The following CCDC13 variants were observed in gnomAD, a reference collection of about 807,000 sequenced individuals.
The protein encoded by CCDC13 is coiled-coil domain containing 13, also known as coiled-coil domain-containing protein 13.
In CCDC13, 70 loss-of-function variants were observed where a neutral mutation model predicts 87.3. The observed-to-expected ratio is 0.80, with a 90% CI of 0.66 to 0.98. The LOEUF (loss-of-function observed/expected upper bound fraction) is 0.98. Ranked by LOEUF, CCDC13 falls within the 50% of genes least tolerant of loss-of-function variation. The probability of loss-of-function intolerance (pLI) is 0.00; values close to 1 mark genes in which losing one functional copy is unlikely to be tolerated. For synonymous variants in CCDC13, 317 were observed against 360.3 expected, an observed-to-expected ratio of 0.88 and a Z score of 1.36; for missense variants, 842 against 892.0, an observed-to-expected ratio of 0.94 and a Z score of 0.71.
At chr3:42,750,982 C>T (rs1055040167) in intron 5 of CCDC13, among the ~76,000 whole-genome samples, 1 of 152,178 alleles carries the variant, frequency 6.6e-6, no homozygotes, top group Admixed American at 6.5e-5. Context: ...TCTACTTCCC[C>T]AGCAATGAGA....
Position 42,739,650 on chromosome 3 carries a change from A to G in CCDC13, c.1148T>C (p.Leu383Pro), listed in dbSNP as rs1699147838. 4 of 1,614,006 alleles carry G rather than the reference A, an allele frequency of 2.5e-6. No individual in the cohort carries two copies. Among genetic ancestry groups the G allele is most frequent in the Non-Finnish European group, 2.5e-6 (3 of 1,179,942 alleles). ...LVEKGRHDDE[L>P]IDALMDQLKQ... ...GGGCCATACCATGAGGGCGTCGATG[A>G]GCTCGTCATCATGCCGGCCCTTCTC... is the stretch of plus-strand genomic sequence containing the variant. Residue 383 changes from leucine to proline, a missense_variant, in exon 9 of 16, where the codon CTC (leucine) becomes CCC (proline). Coordinates refer to ENST00000310232, the MANE Select transcript of CCDC13 (RefSeq NM_144719.4).
In CCDC13 at chr3:42,739,623, T is replaced by G. The variant is rs1699145654; in HGVS notation, c.1164+11A>C. 9 of 1,611,702 alleles carry G rather than the reference T, an allele frequency of 5.6e-6. No individual in the cohort carries two copies. The East Asian group carries it at 2.0e-4, about 36-fold the overall frequency. On this transcript the variant is annotated intron_variant, in intron 9 of 15. Coordinates refer to ENST00000310232, the MANE Select transcript of CCDC13 (RefSeq NM_144719.4). ...CCTGGCTCTCGCCCTGCCTGAGTGG[T>G]GGGGCCATACCATGAGGGCGTCGAT...
chr3:42,745,573 G>C (rs1387708274), intron 7 of CCDC13: 1 of 171,098 alleles, frequency 5.8e-6, no homozygotes, highest in African/African-American at 2.4e-5. Context: ...CAAGCATCTG[G>C]ACAAAACTGG....
chr3:42,739,781 C>A lies in CCDC13; in HGVS notation c.1017G>T (p.Gln339His). ...TCTTTTTTAGCTCTTCAAGCTCTCTCTGGAGGACATCCCGTTCACTGGCAA... is the reference window on the plus strand; with the variant it reads ...TCTTTTTTAGCTCTTCAAGCTCTCTATGGAGGACATCCCGTTCACTGGCAA... Reference protein sequence around the residue: ...EKLASERDVLQRELEELKKKF... With the variant: ...EKLASERDVLHRELEELKKKF... Residue 339 changes from glutamine to histidine, a missense_variant, in exon 9 of 16, where the codon CAG becomes CAT. By Grantham distance (24) the Gln-to-His change is conservative. Coordinates refer to ENST00000310232, the MANE Select transcript of CCDC13 (RefSeq NM_144719.4). 1.2e-6 allele frequency: 2 copies of A among 1,614,184 alleles called. No homozygotes were observed. The highest frequency in any genetic ancestry group is 8.5e-7 in the Non-Finnish European group (1 of 1,180,018).
Position 42,713,251 on chromosome 3 carries a change from G to T in CCDC13, c.1784C>A (p.Thr595Asn). 6.2e-7 allele frequency: 1 copy of T among 1,614,146 alleles called. No individual in the cohort carries two copies. The highest frequency in any genetic ancestry group is 8.5e-7 in the Non-Finnish European group (1 of 1,180,012). Reference sequence around the variant, plus strand: ...CTCCAGATGTTGCTCCAGCACCACGGTGCGGTGTCGCTCCTCCTGCAGCTT... The same window carrying T: ...CTCCAGATGTTGCTCCAGCACCACGTTGCGGTGTCGCTCCTCCTGCAGCTT... ...ERKLQEERHR[T>N]VVLEQHLEKI... is the part of the protein sequence containing the mutation. Residue 595 changes from threonine (T) to asparagine (N), a missense_variant, in exon 14 of 16, where the codon ACC becomes AAC. Transcript: ENST00000310232.
At chr3:42,759,412 C>T (rs532070366) in intron 1 of CCDC13, among the ~76,000 whole-genome samples, 23 of 152,306 alleles carry the variant, frequency 1.5e-4, no homozygotes, top group African/African-American at 5.1e-4. Context: ...TTCATCACCC[C>T]AAAATCCTCC....
At chr3:42,758,089 AC>A in intron 2 of CCDC13, 35 bp downstream of exon 2, 3 of 1,545,022 alleles carry the variant, frequency 1.9e-6, no homozygotes, top group Non-Finnish European at 2.7e-6. Context: ...ACACACACAC[AC>A]ACACACCCCT....
At chr3:42,709,536 T>A in intron 15 of CCDC13, 148 bp downstream of exon 15, 1 of 663,800 alleles carries the variant, frequency 1.5e-6, no homozygotes, top group South Asian at 1.8e-5. Flanking sequence ...AGTCCCTGAA[T>A]TGCAGGCCTA....
At chr3:42,711,896 G>A (rs1033173058) in intron 14 of CCDC13, among the ~76,000 whole-genome samples, 1 of 152,142 alleles carries the variant, frequency 6.6e-6, no homozygotes, top group Admixed American at 6.5e-5. Context: ...TGCCTGCTGT[G>A]GCTTAGCTCT....
chr3:42,744,764 C>T, intron 7 of CCDC13, among the ~76,000 whole-genome samples: 1 of 141,264 alleles, frequency 7.1e-6, no homozygotes. Context: ...GAGATCGCAC[C>T]ACTGCACTCC....
intron 14 of CCDC13, among the ~76,000 whole-genome samples, chr3:42,710,908 G>C (rs115828287): frequency 0.011 from 1,696 of 152,102 alleles, 38 homozygotes; most frequent in African/African-American, 0.039. Flanking sequence ...GAAACTGCTT[G>C]TTCAGCCTGA....
chr3:42,747,684 G>A (rs1699452653), intron 5 of CCDC13, among the ~76,000 whole-genome samples: 1 of 152,172 alleles, frequency 6.6e-6, no homozygotes, highest in Admixed American at 6.5e-5. Flanking sequence ...CACACATGTG[G>A]GTGTATGCCT....
intron 10 of CCDC13, among the ~76,000 whole-genome samples, chr3:42,733,948 C>T (rs1367913302): frequency 6.6e-6 from 1 of 152,134 alleles, no homozygotes; most frequent in East Asian, 1.9e-4. Context: ...GCGGCCCCAC[C>T]CACATGTGGT....
intron 2 of CCDC13, 63 bp downstream of exon 2, chr3:42,758,062 T>TACACACAC (rs3076826): frequency 0.016 from 15,946 of 994,290 alleles, 58 homozygotes; most frequent in South Asian, 0.035. Context: ...GCTCCGGTGG[T>TACACACAC]ACACACACAC....
At chr3:42,743,602 C>CATATATATATAT (rs1559651759) in intron 7 of CCDC13, among the ~76,000 whole-genome samples, 2 of 71,022 alleles carry the variant, frequency 2.8e-5, no homozygotes, top group Admixed American at 1.3e-4. Context: ...TATATATATA[C>CATATATATATAT]ACACACACAT....
At chr3:42,720,996 T>A (rs3912104) in intron 13 of CCDC13, among the ~76,000 whole-genome samples, 76,029 of 152,048 alleles carry the variant, frequency 0.5, 19,312 homozygotes, top group African/African-American at 0.6. Flanking sequence ...GCACTAATGC[T>A]ACAGTAACAT....
intron 13 of CCDC13, among the ~76,000 whole-genome samples, chr3:42,728,642 T>C (rs1191724325): frequency 6.6e-6 from 1 of 152,196 alleles, no homozygotes; most frequent in African/African-American, 2.4e-5. Context: ...CATTTAGTTT[T>C]AAACCAAATA....
intron 1 of CCDC13, among the ~76,000 whole-genome samples, chr3:42,771,844 A>G (rs1202474036): frequency 6.6e-6 from 1 of 152,258 alleles, no homozygotes; most frequent in Non-Finnish European, 1.5e-5. Context: ...AGTTGTATCA[A>G]TGATAACAAA....
chr3:42,758,737 G>C (rs1302617751), intron 1 of CCDC13, among the ~76,000 whole-genome samples: 2 of 152,210 alleles, frequency 1.3e-5, no homozygotes, highest in Non-Finnish European at 2.9e-5. Context: ...TCTAGGAACA[G>C]GGCTTGGCCA....
Sources: gnomAD v4.1 joint callset for allele counts (sites outside exome capture counted in the v4.1 genomes callset) on GRCh38, gnomAD v4.1.1 for gene constraint, MANE v1.5 for transcripts, NCBI Gene and HGNC (gene_info 2026-07-23, HGNC 2026-07-21) for gene names.